The following MAN1A1 variants were observed in gnomAD, a reference collection of about 807,000 sequenced individuals.
MAN1A1 encodes the protein mannosidase alpha class 1A member 1.
In MAN1A1, 29 loss-of-function variants were observed where a neutral mutation model predicts 70.8. The ratio of observed to expected loss-of-function variants is 0.41; its 90% confidence interval spans 0.31 to 0.56. MAN1A1 has a LOEUF of 0.56. Among genes scored for constraint, MAN1A1 ranks in the 20% least tolerant of loss-of-function variants. The pLI is 0.29. For synonymous variants in MAN1A1, 349 were observed against 330.1 expected (o/e 1.06, Z -0.62); for missense variants, 747 against 841.3 (o/e 0.89, Z 1.39).
chr6:119,186,769 CG>C (rs891787779), intron 11 of MAN1A1, among the ~76,000 whole-genome samples: 6 of 152,116 alleles, frequency 3.9e-5, no homozygotes, highest in East Asian at 1.9e-4. Context: ...CAGGAGGCCA[CG>C]GGGGTGGGCA....
Position 119,185,977 on chromosome 6 carries a change from C to T in MAN1A1, c.1719+2428G>A, listed in dbSNP as rs565005940. 2.6e-5 allele frequency among the ~76,000 whole-genome samples: 4 copies of T among 151,368 alleles called. No individual in the cohort carries two copies. The East Asian group carries it at 7.8e-4, about 29-fold the overall frequency. On this transcript the variant is annotated intron_variant, in intron 11 of 12. Coordinates refer to ENST00000368468, the MANE Select transcript of MAN1A1 (RefSeq NM_005907.4). ...AGCCCTAAAAGACCACAGCTGGAAA[C>T]CAGGTCAGGAGAAGAAAATCAAGGG...
chr6:119,213,465 A>G (rs1160924114), intron 6 of MAN1A1, among the ~76,000 whole-genome samples: 1 of 152,226 alleles, frequency 6.6e-6, no homozygotes, highest in Non-Finnish European at 1.5e-5. Context: ...AAAATGAGGA[A>G]AACTCAGCAA....
chr6:119,327,613 A>T (rs1446088631), intron 2 of MAN1A1, among the ~76,000 whole-genome samples: 1 of 151,930 alleles, frequency 6.6e-6, no homozygotes, highest in Non-Finnish European at 1.5e-5. Context: ...TACATTCCAT[A>T]TTTTTAAGAT....
At chr6:119,330,749 T>C (rs1773287108) in intron 2 of MAN1A1, among the ~76,000 whole-genome samples, 1 of 152,124 alleles carries the variant, frequency 6.6e-6, no homozygotes, top group Admixed American at 6.5e-5. Flanking sequence ...CCTTCATACA[T>C]TCCATTCCTA....
intron 3 of MAN1A1, 90 bp downstream of exon 3, chr6:119,306,806 G>T: frequency 3.4e-6 from 3 of 871,810 alleles, no homozygotes; most frequent in Non-Finnish European, 1.9e-6. Flanking sequence ...GGCCTGGAGG[G>T]CCATGTTACA....
chr6:119,274,896 T>C (rs940766708), intron 5 of MAN1A1, among the ~76,000 whole-genome samples: 7 of 152,224 alleles, frequency 4.6e-5, no homozygotes, highest in African/African-American at 1.7e-4. Context: ...ATGAGAATTT[T>C]TTCAATTTAA....
chr6:119,243,326 TATA>T (rs1775062851), intron 6 of MAN1A1, among the ~76,000 whole-genome samples: 1 of 152,060 alleles, frequency 6.6e-6, no homozygotes, highest in African/African-American at 2.4e-5. Context: ...CATTTGAAAA[TATA>T]ATATACTTCT....
At chr6:119,307,024 T>C in intron 2 of MAN1A1, 32 bp from the exon 3 acceptor site, 2 of 1,424,344 alleles carry the variant, frequency 1.4e-6, no homozygotes, top group Non-Finnish European at 2.0e-6. Flanking sequence ...GGATTATAAT[T>C]TGAATGGAGA....
At chr6:119,279,348 A>G (rs1282090263) in intron 5 of MAN1A1, among the ~76,000 whole-genome samples, 1 of 152,226 alleles carries the variant, frequency 6.6e-6, no homozygotes, top group East Asian at 1.9e-4. Flanking sequence ...CCAATACTTT[A>G]AAATCCATGC....
At position 119,201,300 on chromosome 6, in the gene MAN1A1, G is replaced by T. The variant is rs766650233; in HGVS notation, c.1164C>A (p.Gly388=). The change falls in exon 8 of 13, where the codon GGC becomes GGA. Residue 388 remains glycine (G), a synonymous_variant. Coordinates refer to ENST00000368468, the MANE Select transcript of MAN1A1 (RefSeq NM_005907.4). ...TGGGATTCAGATAGTTAGGATAAAG[G>T]CCTTGTGGTTTTTCCAGTTTGTTCA... ...TVLNKLEKPQ[G]LYPNYLNPSS... 1.9e-6 allele frequency: 3 copies of T among 1,613,558 alleles called. No individual in the cohort carries two copies. Among genetic ancestry groups the T allele is most frequent in the African/African-American group, 1.3e-5 (1 of 74,882 alleles).
intron 6 of MAN1A1, among the ~76,000 whole-genome samples, chr6:119,247,754 T>C (rs893564549): frequency 3.9e-5 from 6 of 152,106 alleles, no homozygotes; most frequent in Non-Finnish European, 7.4e-5. Flanking sequence ...ATTGGCTGCC[T>C]TCCCTTCTTA....
intron 5 of MAN1A1, among the ~76,000 whole-genome samples, chr6:119,267,794 C>G (rs983619252): frequency 9.9e-5 from 15 of 152,096 alleles, no homozygotes; most frequent in African/African-American, 3.4e-4. Flanking sequence ...ATGATCATTT[C>G]AAAAAAGGAT....
chr6:119,183,550 T>A (rs1264596980), intron 11 of MAN1A1, among the ~76,000 whole-genome samples: 1 of 152,184 alleles, frequency 6.6e-6, no homozygotes, highest in Non-Finnish European at 1.5e-5. Context: ...TTTAAACAGA[T>A]TTTAATCCCA....
chr6:119,212,853 C>T (rs750653729), intron 6 of MAN1A1, among the ~76,000 whole-genome samples: 4 of 152,144 alleles, frequency 2.6e-5, no homozygotes, highest in South Asian at 2.1e-4. Context: ...TTAAATGGAA[C>T]GGATTCATTC....
chr6:119,218,883 T>TA lies in MAN1A1; in HGVS notation c.993-14002dup, dbSNP rs141065557. On this transcript the variant is annotated intron_variant, in intron 6 of 12. Coordinates refer to ENST00000368468, the MANE Select transcript of MAN1A1 (RefSeq NM_005907.4). ...GGTAAATAATTATCTGTTTTTTTTT[T>TA]AATTAATCTTTCTTAAATGTTAAGT... is the stretch of plus-strand genomic sequence containing the variant. Among the ~76,000 whole-genome samples, 899 of 152,264 alleles carry TA rather than the reference T, an allele frequency of 5.9e-3. 29 individuals are homozygous for TA. In the East Asian group the frequency reaches 0.09, roughly 15 times the overall value.
At chr6:119,284,391 A>C (rs1368956236) in intron 5 of MAN1A1, among the ~76,000 whole-genome samples, 1 of 152,166 alleles carries the variant, frequency 6.6e-6, no homozygotes, top group Non-Finnish European at 1.5e-5. Flanking sequence ...CACGGTCATC[A>C]AAACTTTCTG....
rs1162564171 is a variant in MAN1A1, at chr6:119,290,557, C to A, written c.897+126G>T. On this transcript the variant is annotated intron_variant, in intron 5 of 12. Coordinates refer to ENST00000368468, the MANE Select transcript of MAN1A1 (RefSeq NM_005907.4). ...ATTGTAAGAAACTCAGTGTAAGCTACAGCTTCATTGAAATATAAAAATTCC... is the reference window on the plus strand; with the variant it reads ...ATTGTAAGAAACTCAGTGTAAGCTAAAGCTTCATTGAAATATAAAAATTCC... 13 of 647,050 alleles carry A rather than the reference C, an allele frequency of 2.0e-5. No individual in the cohort carries two copies. The East Asian group carries it at 3.6e-4, about 18-fold the overall frequency. 40.1% of individuals were successfully genotyped at this position (647,050 alleles called of 1,614,324 possible). A position where few individuals can be genotyped will look rare whatever the true frequency, so the allele number is the denominator to read the frequency against.
intron 5 of MAN1A1, among the ~76,000 whole-genome samples, chr6:119,257,498 T>C (rs972973572): frequency 2.0e-5 from 3 of 151,998 alleles, no homozygotes; most frequent in Non-Finnish European, 4.4e-5. Flanking sequence ...GGCAAACATA[T>C]ATGAACGACA....
chr6:119,238,636 A>G (rs1774920218), intron 6 of MAN1A1, among the ~76,000 whole-genome samples: 1 of 152,188 alleles, frequency 6.6e-6, no homozygotes, highest in South Asian at 2.1e-4. Flanking sequence ...TTTGAAAGTG[A>G]TTATCTTAAG....
Sources: allele counts gnomAD v4.1 joint callset (sites outside exome capture counted in the v4.1 genomes callset), GRCh38; gene constraint gnomAD v4.1.1; transcripts MANE v1.5; gene names NCBI Gene and HGNC (gene_info 2026-07-23, HGNC 2026-07-21).